CFAP54: variants seen among roughly 807,000 people sequenced by gnomAD.
The protein encoded by CFAP54 is cilia- and flagella-associated protein 54.
CFAP54 carries 290 observed loss-of-function variants against 370.4 expected under a neutral mutation model. That is an observed-to-expected ratio of 0.78 (90% CI 0.71 to 0.86). CFAP54 has a LOEUF of 0.86. CFAP54 is among the 40% of genes least tolerant of loss of function. The pLI is 0.00. For synonymous variants in CFAP54, 1,206 were observed against 1,236.5 expected, an observed-to-expected ratio of 0.98 and a Z score of 0.52; for missense variants, 3,399 against 3,528.7, an observed-to-expected ratio of 0.96 and a Z score of 0.93.
intron 55 of CFAP54, among the ~76,000 whole-genome samples, chr12:96,745,333 A>T (rs1432604695): frequency 6.6e-6 from 1 of 152,116 alleles, no homozygotes; most frequent in East Asian, 1.9e-4. Flanking sequence ...TTTCTCTGCA[A>T]CCTTGCCAGC....
At chr12:96,649,739 T>A (rs1046686749) in intron 34 of CFAP54, among the ~76,000 whole-genome samples, 152 bp from the exon 35 acceptor site, 1 of 152,238 alleles carries the variant, frequency 6.6e-6, no homozygotes, top group African/African-American at 2.4e-5. Flanking sequence ...AAACTTTCCC[T>A]GGTTCATTGT....
At chr12:96,584,348 C>A (rs1275205757) in intron 22 of CFAP54, among the ~76,000 whole-genome samples, 1 of 152,092 alleles carries the variant, frequency 6.6e-6, no homozygotes, top group East Asian at 1.9e-4. Context: ...CCTGTAATCC[C>A]AGCTACTTAG....
chr12:96,709,497 G>T (rs1210918005), intron 48 of CFAP54, among the ~76,000 whole-genome samples: 1 of 152,068 alleles, frequency 6.6e-6, no homozygotes, highest in Non-Finnish European at 1.5e-5. Context: ...TTATCAGGTT[G>T]AGCAATTTCT....
intron 14 of CFAP54, among the ~76,000 whole-genome samples, chr12:96,546,228 G>A (rs1313744888): frequency 6.6e-6 from 1 of 152,172 alleles, no homozygotes; most frequent in Admixed American, 6.5e-5. Context: ...AAGTGAACAG[G>A]GTTGGAGAAT....
chr12:96,633,988 G>A (rs1338067340), intron 32 of CFAP54, among the ~76,000 whole-genome samples: 1 of 144,072 alleles, frequency 6.9e-6, no homozygotes, highest in East Asian at 2.1e-4. Flanking sequence ...AAATAGGTGT[G>A]TAGTGATATC....
In CFAP54 at chr12:96,521,900, A is replaced by G. The variant is rs1955325164; in HGVS notation, c.986A>G (p.Gln329Arg). 6.5e-7 allele frequency: 1 copy of G among 1,534,308 alleles called. No individual in the cohort carries two copies. Among genetic ancestry groups the G allele is most frequent in the Non-Finnish European group, 8.7e-7 (1 of 1,145,288 alleles). Residue 329 changes from glutamine (Q) to arginine (R), a missense_variant, in exon 7 of 68, where the codon CAA becomes CGA. Physicochemically the swap from Gln to Arg is conservative, Grantham distance 43. Transcript: ENST00000524981. The part of the protein sequence containing the change: ...RALAKIDELR[Q>R]LELMSSSKSQ... ...TTGGCTAAAATTGATGAGTTAAGGC[A>G]ACTGGAATTAATGAGTTCCTCAAAA...
intron 38 of CFAP54, among the ~76,000 whole-genome samples, chr12:96,661,258 C>T (rs779586449): frequency 3.9e-5 from 6 of 152,046 alleles, no homozygotes; most frequent in Non-Finnish European, 8.8e-5. Flanking sequence ...GGTTGCCAGC[C>T]GTCAATCAAC....
intron 1 of CFAP54, among the ~76,000 whole-genome samples, chr12:96,493,537 G>T (rs1954910220): frequency 6.6e-6 from 1 of 152,226 alleles, no homozygotes; most frequent in African/African-American, 2.4e-5. Flanking sequence ...GCTGGGTGCG[G>T]TGGCTCACGC....
chr12:96,502,396 TAA>T (rs535053383), intron 2 of CFAP54, among the ~76,000 whole-genome samples: 6 of 68,592 alleles, frequency 8.7e-5, no homozygotes, highest in East Asian at 5.0e-4. Context: ...ACACTGTCCC[TAA>T]AAAAAAAAAA....
rs1043101336 is a variant in CFAP54, at chr12:96,683,097, T to C, written c.5717-1551T>C. Among the ~76,000 whole-genome samples the C allele has an allele frequency of 3.3e-5, 5 of 152,264 alleles. 1 individual carries two copies. The highest frequency in any genetic ancestry group is 2.0e-4 in the Admixed American group (3 of 15,288). Reference sequence around the variant, plus strand: ...CTTTTATTTCCTGAAATAAAATTTGTATTTAATATATTCTTCTTATACACA... The same window carrying C: ...CTTTTATTTCCTGAAATAAAATTTGCATTTAATATATTCTTCTTATACACA... On this transcript the variant is annotated intron_variant, in intron 40 of 67. Transcript: ENST00000524981.
chr12:96,498,331 G>T (rs994850722), intron 1 of CFAP54, among the ~76,000 whole-genome samples: 1 of 152,130 alleles, frequency 6.6e-6, no homozygotes, highest in East Asian at 1.9e-4. Context: ...ACTCAAAATG[G>T]ATCACCTACC....
At chr12:96,593,474 C>T (rs1956146548) in intron 24 of CFAP54, among the ~76,000 whole-genome samples, 1 of 152,122 alleles carries the variant, frequency 6.6e-6, no homozygotes, top group Admixed American at 6.6e-5. Flanking sequence ...CAGACAAGTT[C>T]ACTGTCCTGT....
chr12:96,494,335 C>G (rs951589174), intron 1 of CFAP54, among the ~76,000 whole-genome samples: 7 of 151,816 alleles, frequency 4.6e-5, no homozygotes, highest in African/African-American at 1.7e-4. Flanking sequence ...CAGTCTCACT[C>G]TGTCAACAAG....
At chr12:96,493,208 C>T (rs1954905948) in intron 1 of CFAP54, among the ~76,000 whole-genome samples, 1 of 152,124 alleles carries the variant, frequency 6.6e-6, no homozygotes, top group South Asian at 2.1e-4. Flanking sequence ...TACTGAGTGC[C>T]TGCTATGTGT....
At chr12:96,774,185 C>G (rs1958491908) in intron 60 of CFAP54, among the ~76,000 whole-genome samples, 1 of 151,884 alleles carries the variant, frequency 6.6e-6, no homozygotes. Flanking sequence ...TTGTAGAAGT[C>G]CTTTATTATG....
rs1048957430 is a variant in CFAP54, at chr12:96,489,584, C to A, written c.-26C>A. On this transcript the variant is annotated 5_prime_UTR_variant, in exon 1 of 68. Transcript: ENST00000524981. ...CGCCAGGCAACCGCGTGTACACATA[C>A]TCCAGGCGGGCCGGGGCGCGTCAAT... 2.2e-5 allele frequency: 33 copies of A among 1,495,788 alleles called. No individual in the cohort carries two copies. Among genetic ancestry groups the A allele is most frequent in the African/African-American group, 2.8e-5 (2 of 72,250 alleles). The allele number at this position is 1,495,788 out of a possible 1,614,324, so 92.7% of individuals were successfully genotyped here.
In CFAP54 at chr12:96,538,471, T is replaced by C. The variant is rs1434700148; in HGVS notation, c.1879T>C (p.Ser627Pro). Residue 627 changes from serine to proline, a missense_variant, in exon 13 of 68, where the codon TCC becomes CCC. Transcript: ENST00000524981. ...ATTAGGAATTCAGCGGCTCAATATA[T>C]CCAGAAATGACTATGCAAAATTCAC... ...CKLGIQRLNI[S>P]RNDYAKFTQK... is the part of the protein sequence containing the mutation. 8 of 1,536,070 alleles carry C rather than the reference T, an allele frequency of 5.2e-6. No homozygotes were observed. The highest frequency in any genetic ancestry group is 7.0e-6 in the Non-Finnish European group (8 of 1,146,862).
chr12:96,731,867 GC>G (rs1957923391), intron 50 of CFAP54, among the ~76,000 whole-genome samples: 1 of 151,848 alleles, frequency 6.6e-6, no homozygotes, highest in Non-Finnish European at 1.5e-5. Flanking sequence ...ATTCTACATT[GC>G]AACAAACTTT....
intron 55 of CFAP54, among the ~76,000 whole-genome samples, chr12:96,745,068 T>G (rs1455028852): frequency 6.6e-6 from 1 of 152,236 alleles, no homozygotes; most frequent in Non-Finnish European, 1.5e-5. Flanking sequence ...ATGTACCACA[T>G]TTTCTTTATC....
Sources: allele counts gnomAD v4.1 joint callset (sites outside exome capture counted in the v4.1 genomes callset), GRCh38; gene constraint gnomAD v4.1.1; transcripts MANE v1.5; gene names NCBI Gene and HGNC (gene_info 2026-07-23, HGNC 2026-07-21).